SAMMSON: variants seen among roughly 807,000 people sequenced by gnomAD.
SAMMSON encodes the protein survival associated mitochondrial melanoma specific oncogenic non-coding RNA.
intron 3 of SAMMSON, chr3:70,015,347 G>C (rs1258445903): frequency 6.6e-6 from 1 of 150,898 alleles, no homozygotes; most frequent in Non-Finnish European, 1.5e-5. Flanking sequence ...TCAGCATTTT[G>C]GGGAAATGCT....
intron 2 of SAMMSON, among the ~76,000 whole-genome samples, chr3:70,404,209 A>G (rs1359371788): frequency 2.6e-5 from 4 of 151,864 alleles, no homozygotes. Flanking sequence ...TGATATGCAT[A>G]TCATTAGCAT....
At chr3:70,093,166 C>T (rs1409988373) in intron 4 of SAMMSON, among the ~76,000 whole-genome samples, 1 of 152,128 alleles carries the variant, frequency 6.6e-6, no homozygotes, top group East Asian at 1.9e-4. Context: ...CTTCAATGTT[C>T]TTGCCTTCTT....
At chr3:70,116,094 T>C (rs1241837763) in intron 4 of SAMMSON, among the ~76,000 whole-genome samples, 1 of 152,106 alleles carries the variant, frequency 6.6e-6, no homozygotes, top group Non-Finnish European at 1.5e-5. Context: ...TAGGTTAAAT[T>C]TCTGACACCC....
intron 3 of SAMMSON, among the ~76,000 whole-genome samples, chr3:70,015,858 C>T (rs1397813176): frequency 6.6e-6 from 1 of 152,104 alleles, no homozygotes; most frequent in South Asian, 2.1e-4. Flanking sequence ...ATGATGGTTT[C>T]CAGCTTCATC....
chr3:70,120,527 C>T (rs947753542), intron 4 of SAMMSON: 1 of 152,218 alleles, frequency 6.6e-6, no homozygotes, highest in Non-Finnish European at 1.5e-5. Flanking sequence ...GCCTGCTTCA[C>T]GCATGTACTC....
At chr3:70,028,416 C>G (rs1048020687) in intron 3 of SAMMSON, among the ~76,000 whole-genome samples, 1 of 152,052 alleles carries the variant, frequency 6.6e-6, no homozygotes, top group African/African-American at 2.4e-5. Context: ...ACCATTCACA[C>G]AATTGCAGCC....
chr3:70,383,938 G>A (rs1257878003), intron 9 of SAMMSON, among the ~76,000 whole-genome samples: 1 of 151,932 alleles, frequency 6.6e-6, no homozygotes, highest in Non-Finnish European at 1.5e-5. Context: ...AGCACTACCT[G>A]TCAATTTTTA....
At position 70,093,719 on chromosome 3, in the gene SAMMSON, C is replaced by T. The variant is rs535681688; in HGVS notation, n.507+22154C>T. Among the ~76,000 whole-genome samples the T allele has an allele frequency of 1.3e-4, 20 of 152,130 alleles. 1 individual carries two copies. The South Asian group carries it at 3.1e-3, about 24-fold the overall frequency. ...GAAATTCCATGTATCCCATGTGGCA[C>T]GGTGGAGTGGGCAGATCTCTTTGGT... On this transcript the variant is annotated intron_variant and non_coding_transcript_variant, in intron 4 of 9. Transcript: ENST00000642114.
intron 4 of SAMMSON, among the ~76,000 whole-genome samples, chr3:70,156,562 C>G (rs771241793): frequency 4.6e-5 from 7 of 151,564 alleles, no homozygotes; most frequent in Non-Finnish European, 1.0e-4. Context: ...TCAAAAGTGA[C>G]GAATAATGGA....
At position 70,274,950 on chromosome 3, in the gene SAMMSON, A is replaced by G. The variant is rs17006981; in HGVS notation, n.675-16229A>G. Reference sequence around the variant, plus strand: ...AAAATGAGTTATATAAAAGTGGGAAATAAAATCTATTACTGTTTGAAACTA... The same window carrying G: ...AAAATGAGTTATATAAAAGTGGGAAGTAAAATCTATTACTGTTTGAAACTA... On this transcript the variant is annotated intron_variant and non_coding_transcript_variant, in intron 6 of 9. Coordinates refer to ENST00000642114, the Ensembl canonical transcript of SAMMSON. Among the ~76,000 whole-genome samples the G allele has an allele frequency of 8.2e-3, 1,256 of 152,276 alleles. 8 individuals carry two copies. Among genetic ancestry groups the G allele is most frequent in the African/African-American group, 0.029 (1,196 of 41,550 alleles).
chr3:70,368,610 A>G (rs1475669923), intron 9 of SAMMSON, among the ~76,000 whole-genome samples: 4 of 151,548 alleles, frequency 2.6e-5, no homozygotes, highest in African/African-American at 9.7e-5. Flanking sequence ...TTCTAATGCC[A>G]TTGACTGAAA....
chr3:70,153,798 C>G (rs1266004448), intron 4 of SAMMSON, among the ~76,000 whole-genome samples: 1 of 151,986 alleles, frequency 6.6e-6, no homozygotes, highest in East Asian at 1.9e-4. Context: ...ACGTTCCTCT[C>G]CAGAGCTTTT....
chr3:70,228,698 G>C (rs183607767), intron 4 of SAMMSON, among the ~76,000 whole-genome samples: 1 of 147,374 alleles, frequency 6.8e-6, no homozygotes, highest in East Asian at 2.0e-4. Context: ...TTTTACATTT[G>C]ATGAAGGAAA....
chr3:70,321,463 C>G (rs1388736326), intron 7 of SAMMSON, among the ~76,000 whole-genome samples: 1 of 152,086 alleles, frequency 6.6e-6, no homozygotes, highest in African/African-American at 2.4e-5. Flanking sequence ...TGCTAATATA[C>G]TACAATTTTG....
rs912714083 is a variant in SAMMSON at position 70,430,648 on chromosome 3, T to A, written n.234-31912T>A. Among the ~76,000 whole-genome samples, 13 of 152,160 alleles carry A rather than the reference T, an allele frequency of 8.5e-5. No homozygotes were observed. The South Asian group carries it at 2.5e-3, about 29-fold the overall frequency. ...TATAGGCATCTAACTTTGAAATTAC[T>A]CGAAGAAGCAATATTTTACCATTAT... is the stretch of plus-strand genomic sequence containing the variant. On this transcript the variant is annotated intron_variant and non_coding_transcript_variant, in intron 2 of 3. Coordinates refer to the SAMMSON transcript ENST00000641053.
chr3:70,228,272 A>G (rs892448096), intron 4 of SAMMSON, among the ~76,000 whole-genome samples: 5 of 152,070 alleles, frequency 3.3e-5, no homozygotes, highest in African/African-American at 7.2e-5. Flanking sequence ...ACATAACACT[A>G]TATTATATAT....
intron 3 of SAMMSON, among the ~76,000 whole-genome samples, chr3:70,038,439 C>A (rs1227138790): frequency 6.6e-6 from 1 of 152,110 alleles, no homozygotes; most frequent in East Asian, 1.9e-4. Flanking sequence ...GATGCAGCTA[C>A]CCAATTTTGA....
intron 4 of SAMMSON, among the ~76,000 whole-genome samples, chr3:70,093,438 G>T: frequency 6.6e-6 from 1 of 152,170 alleles, no homozygotes; most frequent in East Asian, 1.9e-4. Context: ...TTGGATTGTA[G>T]ATCTTTCTGC....
At chr3:70,178,416 C>T (rs976469920) in intron 4 of SAMMSON, among the ~76,000 whole-genome samples, 1 of 152,046 alleles carries the variant, frequency 6.6e-6, no homozygotes, top group African/African-American at 2.4e-5. Context: ...TGTCTCGGAC[C>T]GAACAAGAAT....
Sources: allele counts gnomAD v4.1 joint callset (sites outside exome capture counted in the v4.1 genomes callset), GRCh38; gene constraint gnomAD v4.1.1; transcripts MANE v1.5; gene names NCBI Gene and HGNC (gene_info 2026-07-23, HGNC 2026-07-21).